AFTPH: variants seen among roughly 807,000 people sequenced by gnomAD.
AFTPH encodes the protein aftiphilin protein.
A neutral mutation model predicts 72.5 loss-of-function variants in AFTPH; 7 were observed. The observed-to-expected ratio is 0.10, with a 90% CI of 0.05 to 0.18. The LOEUF (loss-of-function observed/expected upper bound fraction) is 0.18, where lower values mean the gene tolerates loss of function less well. AFTPH is among the 10% of genes least tolerant of loss of function. AFTPH has a pLI of 1.00. For missense variants in AFTPH, 979 were observed against 1,060.5 expected (o/e 0.92, Z 1.07); for synonymous variants, 337 against 370.1 (o/e 0.91, Z 1.03).
At chr2:64,542,710 A>G (rs948934068) in intron 1 of AFTPH, among the ~76,000 whole-genome samples, 2 of 152,154 alleles carry the variant, frequency 1.3e-5, no homozygotes, top group African/African-American at 4.8e-5. Flanking sequence ...AAAACTGGCA[A>G]TAAAGTCAAC....
intron 1 of AFTPH, among the ~76,000 whole-genome samples, chr2:64,526,499 T>C (rs556139021): frequency 4.6e-5 from 7 of 152,346 alleles, no homozygotes; most frequent in Non-Finnish European, 1.0e-4. Flanking sequence ...TATATTCTAA[T>C]TTAATGTTAC....
chr2:64,539,286 T>G (rs1670073809), intron 1 of AFTPH, among the ~76,000 whole-genome samples: 1 of 152,216 alleles, frequency 6.6e-6, no homozygotes, highest in African/African-American at 2.4e-5. Flanking sequence ...CTGACACCTC[T>G]GCTTATGCTG....
chr2:64,580,975 G>A lies in AFTPH; in HGVS notation c.2455+1429G>A, dbSNP rs1434011110. ...TTCTTTACATTGTACATGAGAAAATGTACATTGAATTAAATTGTTATTTTA... is the reference window on the plus strand; with the variant it reads ...TTCTTTACATTGTACATGAGAAAATATACATTGAATTAAATTGTTATTTTA... On this transcript the variant is annotated intron_variant, in intron 7 of 8. Coordinates refer to ENST00000238856, the Ensembl canonical transcript of AFTPH. 5 of 364,470 alleles carry A rather than the reference G, an allele frequency of 1.4e-5. 1 individual carries two copies. The highest frequency in any genetic ancestry group is 2.5e-5 in the Non-Finnish European group (5 of 200,324). The allele number at this position is 364,470 out of a possible 1,614,324, so 22.6% of individuals were successfully genotyped here. A position where few individuals can be genotyped will look rare whatever the true frequency, so the allele number is the denominator to read the frequency against.
intron 1 of AFTPH, chr2:64,525,455 G>A (rs930735343): frequency 6.5e-6 from 1 of 154,442 alleles, no homozygotes. Flanking sequence ...ACTCATACAT[G>A]TAAATTTTTT....
intron 3 of AFTPH, among the ~76,000 whole-genome samples, chr2:64,568,275 T>C (rs1471939542): frequency 6.8e-6 from 1 of 147,648 alleles, no homozygotes; most frequent in East Asian, 2.0e-4. Context: ...GCATTTTCAT[T>C]ATTATAATCA....
At chr2:64,541,567 C>G (rs777984902) in intron 1 of AFTPH, among the ~76,000 whole-genome samples, 13 of 152,080 alleles carry the variant, frequency 8.5e-5, no homozygotes, top group Non-Finnish European at 1.6e-4. Context: ...TCATGTGGTT[C>G]AGAAGAAGGG....
intron 8 of AFTPH, 128 bp from the exon 10 acceptor site, chr2:64,591,760 A>G: frequency 1.0e-6 from 1 of 953,420 alleles, no homozygotes; most frequent in Admixed American, 2.3e-5. Context: ...AGATTCAGGA[A>G]CTAGCAGAGG....
intron 1 of AFTPH, among the ~76,000 whole-genome samples, chr2:64,534,426 C>T (rs1414120322): frequency 6.6e-6 from 1 of 152,080 alleles, no homozygotes; most frequent in East Asian, 1.9e-4. Context: ...TTTCTCTCGC[C>T]TGAAGCCCAA....
intron 8 of AFTPH, among the ~76,000 whole-genome samples, chr2:64,589,328 C>T (rs1049622045): frequency 6.6e-6 from 1 of 152,064 alleles, no homozygotes. Context: ...GCACATTTGT[C>T]AAAAACAAAA....
intron 4 of AFTPH, 135 bp from the exon 5 acceptor site, chr2:64,569,488 G>A (rs1672290184): frequency 1.9e-6 from 2 of 1,042,510 alleles, no homozygotes; most frequent in Middle Eastern, 3.0e-4. Flanking sequence ...TAACCCATAT[G>A]GGCAATTTTT....
intron 1 of AFTPH, among the ~76,000 whole-genome samples, chr2:64,526,630 A>G (rs1669282513): frequency 6.6e-6 from 1 of 152,184 alleles, no homozygotes; most frequent in African/African-American, 2.4e-5. Flanking sequence ...TAGTTTTTAC[A>G]CTATTTTGAA....
intron 1 of AFTPH, among the ~76,000 whole-genome samples, chr2:64,549,759 A>G (rs1670917992): frequency 6.6e-6 from 1 of 151,016 alleles, no homozygotes. Context: ...AAAAGGGATT[A>G]AGACCATTGC....
intron 6 of AFTPH, among the ~76,000 whole-genome samples, chr2:64,576,117 A>G (rs13388443): frequency 0.14 from 9,004 of 66,500 alleles, 312 homozygotes; most frequent in African/African-American, 0.26. Context: ...ACACACACAC[A>G]CGTGTGTCAT....
chr2:64,543,604 T>C (rs1306887365), intron 1 of AFTPH, among the ~76,000 whole-genome samples: 3 of 152,210 alleles, frequency 2.0e-5, no homozygotes, highest in Non-Finnish European at 4.4e-5. Flanking sequence ...ATCCAGTTAA[T>C]CCAGCATCAT....
chr2:64,540,566 C>G (rs984470076), intron 1 of AFTPH, among the ~76,000 whole-genome samples: 5 of 152,112 alleles, frequency 3.3e-5, no homozygotes, highest in African/African-American at 1.2e-4. Context: ...AAACCAACTT[C>G]TCTCAAATAA....
At chr2:64,548,248 C>CCGGGCGCGGTGG (rs1670776367) in intron 1 of AFTPH, among the ~76,000 whole-genome samples, 1 of 145,246 alleles carries the variant, frequency 6.9e-6, no homozygotes, top group Non-Finnish European at 1.5e-5. Context: ...AAAAAATTAG[C>CCGGGCGCGGTGG]CGGGCGCGGT....
chr2:64,585,941 T>C (rs1673477639), intron 8 of AFTPH, among the ~76,000 whole-genome samples: 1 of 152,198 alleles, frequency 6.6e-6, no homozygotes, highest in Non-Finnish European at 1.5e-5. Context: ...TAGGCTGATC[T>C]TTTTACTTGC....
chr2:64,535,374 A>T (rs893586764), intron 1 of AFTPH, among the ~76,000 whole-genome samples: 1 of 152,248 alleles, frequency 6.6e-6, no homozygotes, highest in Non-Finnish European at 1.5e-5. Flanking sequence ...TTGAGAACCT[A>T]TTAGGGGAAA....
At chr2:64,590,522 G>A (rs1368387138) in intron 8 of AFTPH, among the ~76,000 whole-genome samples, 1 of 152,156 alleles carries the variant, frequency 6.6e-6, no homozygotes, top group Non-Finnish European at 1.5e-5. Context: ...CACTTGTCAT[G>A]TATCTGGTTT....
Sources: allele counts gnomAD v4.1 joint callset (sites outside exome capture counted in the v4.1 genomes callset), GRCh38; gene constraint gnomAD v4.1.1; transcripts MANE v1.5; gene names NCBI Gene and HGNC (gene_info 2026-07-23, HGNC 2026-07-21).